The following RILPL2 variants were observed in gnomAD, a reference collection of about 807,000 sequenced individuals.
RILPL2 encodes RILP-like protein 2.
RILPL2 carries 19 observed loss-of-function variants against 22.2 expected under a neutral mutation model. That is an observed-to-expected ratio of 0.86 (90% confidence interval 0.60 to 1.25). RILPL2 has a LOEUF of 1.25. RILPL2 is among the 50% of genes most tolerant of loss of function. RILPL2 has a pLI of 0.00. For missense variants in RILPL2, 243 were observed against 263.6 expected, an observed-to-expected ratio of 0.92 and a Z score of 0.54; for synonymous variants, 123 against 111.6, an observed-to-expected ratio of 1.10 and a Z score of -0.64.
chr12:123,429,407 T>G (rs567141582), intron 2 of RILPL2, among the ~76,000 whole-genome samples: 50 of 152,228 alleles, frequency 3.3e-4, no homozygotes, highest in African/African-American at 1.1e-3. Flanking sequence ...GTGATTCTCC[T>G]GCCTCAGCCT....
intron 3 of RILPL2, among the ~76,000 whole-genome samples, chr12:123,421,043 CTTTTT>C (rs543923372): frequency 1.4e-5 from 2 of 139,816 alleles, no homozygotes; most frequent in Admixed American, 7.3e-5. Context: ...TATGTTAAAT[CTTTTT>C]TTTTTTTTTT....
Position 123,424,087 on chromosome 12 carries a change from A to G in RILPL2, c.492-930T>C, listed in dbSNP as rs188655429. 2.8e-3 allele frequency among the ~76,000 whole-genome samples: 429 copies of G among 152,260 alleles called. 4 individuals carry two copies. Among genetic ancestry groups the G allele is most frequent in the African/African-American group, 0.01 (420 of 41,554 alleles). Reference sequence around the variant, plus strand: ...CCTATAAAATGAGTCTAATAATAGTACCTACCTCAAAGGATTGAGAGATTA... The same window carrying G: ...CCTATAAAATGAGTCTAATAATAGTGCCTACCTCAAAGGATTGAGAGATTA... On this transcript the variant is annotated intron_variant, in intron 2 of 3. Transcript: ENST00000280571.
At chr12:123,427,455 A>T (rs371142453) in intron 2 of RILPL2, among the ~76,000 whole-genome samples, 1 of 152,102 alleles carries the variant, frequency 6.6e-6, no homozygotes, top group Admixed American at 6.6e-5. Flanking sequence ...TGATGAAAGG[A>T]GTGGCAAAGT....
chr12:123,433,953 T>C (rs1879718613), intron 1 of RILPL2, among the ~76,000 whole-genome samples: 1 of 152,204 alleles, frequency 6.6e-6, no homozygotes, highest in African/African-American at 2.4e-5. Context: ...TAACTTGCCG[T>C]GAAGTCCTTA....
At chr12:123,426,046 T>C (rs186822610) in intron 2 of RILPL2, among the ~76,000 whole-genome samples, 1 of 152,276 alleles carries the variant, frequency 6.6e-6, no homozygotes, top group East Asian at 1.9e-4. Context: ...TAGGCTCAAG[T>C]GTTCCTCCTG....
intron 2 of RILPL2, among the ~76,000 whole-genome samples, chr12:123,425,389 C>A (rs532915721): frequency 1.3e-5 from 2 of 151,678 alleles, no homozygotes; most frequent in African/African-American, 4.8e-5. Flanking sequence ...ATGTTGGCCA[C>A]GCTGGTTTTG....
intron 2 of RILPL2, among the ~76,000 whole-genome samples, chr12:123,424,789 C>T (rs1050064215): frequency 2.0e-5 from 3 of 152,166 alleles, no homozygotes; most frequent in Non-Finnish European, 1.5e-5. Context: ...TGTTGCAGTG[C>T]CCACTGGTAA....
At chr12:123,426,693 C>A (rs1369574946) in intron 2 of RILPL2, among the ~76,000 whole-genome samples, 1 of 152,000 alleles carries the variant, frequency 6.6e-6, no homozygotes, top group African/African-American at 2.4e-5. Context: ...CTCTGCCCCC[C>A]GGGGCTCACG....
chr12:123,429,346 A>G (rs1056511676), intron 2 of RILPL2, among the ~76,000 whole-genome samples: 19 of 152,152 alleles, frequency 1.2e-4, no homozygotes, highest in Non-Finnish European at 1.8e-4. Flanking sequence ...CCCAGGCTGC[A>G]GTGCAGTGGC....
chr12:123,420,562 G>A (rs898470454), intron 3 of RILPL2, among the ~76,000 whole-genome samples: 5 of 151,684 alleles, frequency 3.3e-5, no homozygotes, highest in East Asian at 1.9e-4. Flanking sequence ...TCAGCCTCCC[G>A]AGTAGCTGGG....
chr12:123,436,106 T>C lies in RILPL2; in HGVS notation c.315A>G (p.Arg105=). ...CCTCCCCGCTGGCCGGAGGGCTCTG[T>C]CTCCGCAGCCCCTCCACCTCCTTCC... ...HLRKEVEGLR[R]QSPPASGEVN... Residue 105 remains arginine, a synonymous_variant, in exon 1 of 4, where the codon AGA becomes AGG. Coordinates refer to ENST00000280571, the MANE Select transcript of RILPL2 (RefSeq NM_145058.3). This position sits in a 1 kb window ranked among gnomAD's most constrained non-coding sequence, Gnocchi z 6.7. 1.3e-6 allele frequency: 2 copies of C among 1,582,904 alleles called. No homozygotes were observed. The highest frequency in any genetic ancestry group is 1.7e-6 in the Non-Finnish European group (2 of 1,165,008).
At chr12:123,434,798 T>TAG (rs1226803102) in intron 1 of RILPL2, among the ~76,000 whole-genome samples, 2 of 152,060 alleles carry the variant, frequency 1.3e-5, no homozygotes, top group African/African-American at 4.8e-5. Context: ...TCTAGCTCTC[T>TAG]ATCAATTTCC....
At chr12:123,420,837 T>A (rs1879262904) in intron 3 of RILPL2, among the ~76,000 whole-genome samples, 1 of 152,062 alleles carries the variant, frequency 6.6e-6, no homozygotes, top group South Asian at 2.1e-4. Context: ...AGCCCAAGAT[T>A]AGGGGCGAAT....
At position 123,417,432 on chromosome 12, in the gene RILPL2, C is replaced by T. The variant is rs77742243; in HGVS notation, c.606-1511G>A. 7.9e-3 allele frequency among the ~76,000 whole-genome samples: 1,208 copies of T among 152,202 alleles called. 19 individuals are homozygous for T. The highest frequency in any genetic ancestry group is 0.027 in the African/African-American group (1,111 of 41,526). ...GTCATGTTACTCTCCAGCTTAAAACCATCCAATGTCTCTTCCCAACGTACC... is the reference window on the plus strand; with the variant it reads ...GTCATGTTACTCTCCAGCTTAAAACTATCCAATGTCTCTTCCCAACGTACC... On this transcript the variant is annotated intron_variant, in intron 3 of 3. Coordinates refer to ENST00000280571, the MANE Select transcript of RILPL2 (RefSeq NM_145058.3).
At chr12:123,413,642 GA>G (rs1396562954), downstream of RILPL2, 1 of 152,280 alleles carries the variant, frequency 6.6e-6, no homozygotes, top group Non-Finnish European at 1.5e-5. Flanking sequence ...CCACAATGCG[GA>G]AAGGAACCCG....
chr12:123,428,045 AAAGT>A lies in RILPL2; in HGVS notation c.491+2459_491+2462del, dbSNP rs1244540430. 3.9e-5 allele frequency among the ~76,000 whole-genome samples: 6 copies of A among 152,354 alleles called. No homozygotes were observed. The South Asian group carries it at 1.0e-3, about 26-fold the overall frequency. On this transcript the variant is annotated intron_variant, in intron 2 of 3. Coordinates refer to ENST00000280571, the MANE Select transcript of RILPL2 (RefSeq NM_145058.3). Reference sequence around the variant, plus strand: ...TCTCTGAGAATTCAAAACTAGAAAGAAAGTGTGTGGTTTTGCCCACTAACAAGCT... The same window carrying A: ...TCTCTGAGAATTCAAAACTAGAAAGAGTGTGGTTTTGCCCACTAACAAGCT...
chr12:123,422,532 C>T (rs1429236059), intron 3 of RILPL2, among the ~76,000 whole-genome samples: 1 of 152,078 alleles, frequency 6.6e-6, no homozygotes. Context: ...AAAAACAAAA[C>T]GATGTTTTTT....
downstream of RILPL2, chr12:123,414,582 A>G (rs1436504061): frequency 1.3e-5 from 2 of 152,780 alleles, no homozygotes; most frequent in South Asian, 2.0e-4. Flanking sequence ...GGTGGGCTGA[A>G]GGGCTCCTCA....
chr12:123,425,302 G>A (rs1879413312), intron 2 of RILPL2, among the ~76,000 whole-genome samples: 1 of 151,614 alleles, frequency 6.6e-6, no homozygotes, highest in East Asian at 1.9e-4. Context: ...TCAGCCTCCC[G>A]AGTAGCTGGG....
Sources: allele counts gnomAD v4.1 joint callset (sites outside exome capture counted in the v4.1 genomes callset), GRCh38; gene constraint gnomAD v4.1.1; non-coding constraint Gnocchi (gnomAD v3.1); transcripts MANE v1.5; gene names NCBI Gene and HGNC (gene_info 2026-07-23, HGNC 2026-07-21).